Variants in HIRA observed in about 807,000 individuals in gnomAD.
HIRA encodes the protein histone cell cycle regulator, also known as protein HIRA.
In HIRA, 13 loss-of-function variants were observed where a neutral mutation model predicts 126.6. The observed-to-expected ratio is 0.10, with a 90% CI of 0.07 to 0.16. The LOEUF is 0.16. Ranked by LOEUF, HIRA falls within the 10% of genes least tolerant of loss-of-function variation. The probability of loss-of-function intolerance (pLI) is 1.00; values close to 1 mark genes in which losing one functional copy is unlikely to be tolerated. For synonymous variants in HIRA, 511 were observed against 520.0 expected, an observed-to-expected ratio of 0.98 and a Z score of 0.24; for missense variants, 834 against 1,314.4, an observed-to-expected ratio of 0.63 and a Z score of 5.65.
intron 24 of HIRA, among the ~76,000 whole-genome samples, chr22:19,346,498 G>C (rs1217539111): frequency 6.6e-6 from 1 of 152,238 alleles, no homozygotes; most frequent in Admixed American, 6.5e-5. Flanking sequence ...TTGAGATCAG[G>C]AGAGGACCTG....
chr22:19,387,897 GGTGGGCA>G (rs2089141111), intron 10 of HIRA, 81 bp from the exon 11 acceptor site: 1 of 886,036 alleles, frequency 1.1e-6, no homozygotes, highest in African/African-American at 1.6e-5. Context: ...CTGTGAGGAT[GGTGGGCA>G]GTGTTCTAGG....
chr22:19,399,287 C>G (rs2089247916), intron 5 of HIRA: 1 of 252,114 alleles, frequency 4.0e-6, no homozygotes, highest in African/African-American at 2.3e-5. Flanking sequence ...GAGGTTTAAG[C>G]AAAATATTCC....
intron 9 of HIRA, among the ~76,000 whole-genome samples, chr22:19,390,715 G>A (rs964459736): frequency 1.3e-5 from 2 of 151,430 alleles, no homozygotes; most frequent in Admixed American, 1.3e-4. Context: ...ATCACCCAGG[G>A]GTGAAATGGA....
At position 19,388,486 on chromosome 22, in the gene HIRA, G is replaced by C. The variant is rs939764729; in HGVS notation, c.1005C>G (p.Ser335=). ...CCTGTAAGTAGAATCCACCTTACCA[G>C]GAAATATCCATGATGGATTTGTCAA... ...ELFDKSIMDI[S]WTLNGLGILV... is the part of the protein sequence containing the mutation. Residue 335 remains serine, a splice_region_variant and synonymous_variant, in exon 10 of 25, where the codon TCC becomes TCG. Coordinates refer to ENST00000263208, the MANE Select transcript of HIRA (RefSeq NM_003325.4). The C allele has an allele frequency of 6.2e-7, 1 of 1,610,074 alleles. No individual in the cohort carries two copies. Among genetic ancestry groups the C allele is most frequent in the Non-Finnish European group, 8.5e-7 (1 of 1,176,412 alleles).
chr22:19,365,979 T>C (rs1000713696), intron 15 of HIRA: 3 of 152,356 alleles, frequency 2.0e-5, no homozygotes, highest in Non-Finnish European at 4.4e-5. Context: ...TGTTGATAAG[T>C]AGTGGTACTG....
chr22:19,384,492 G>T (rs1221060128), intron 12 of HIRA, among the ~76,000 whole-genome samples: 1 of 151,900 alleles, frequency 6.6e-6, no homozygotes, highest in African/African-American at 2.4e-5. Flanking sequence ...ATTCTAAATT[G>T]CCCTCCTGGT....
chr22:19,422,991 C>T (rs1224132879), intron 1 of HIRA, among the ~76,000 whole-genome samples: 1 of 152,198 alleles, frequency 6.6e-6, no homozygotes, highest in African/African-American at 2.4e-5. Context: ...CCCAGCAGGG[C>T]TGGCTGCGGC....
At chr22:19,365,492 T>C (rs2088904171) in intron 15 of HIRA, among the ~76,000 whole-genome samples, 1 of 152,236 alleles carries the variant, frequency 6.6e-6, no homozygotes, top group Non-Finnish European at 1.5e-5. Context: ...AGAATTATTC[T>C]AAATCTATAA....
chr22:19,361,847 C>A lies in HIRA; in HGVS notation c.1860G>T (p.Leu620Phe). The A allele has an allele frequency of 6.2e-7, 1 of 1,614,138 alleles. No individual in the cohort carries two copies. Among genetic ancestry groups the A allele is most frequent in the Non-Finnish European group, 8.5e-7 (1 of 1,180,008 alleles). Residue 620 changes from leucine (L) to phenylalanine (F), a missense_variant, in exon 16 of 25, where the codon TTG becomes TTT. Physicochemically the swap from Leu to Phe is conservative, Grantham distance 22. This residue lies in a region of HIRA where 468 missense variants were observed against 574.2 expected (regional missense o/e 0.82). Coordinates refer to ENST00000263208, the MANE Select transcript of HIRA (RefSeq NM_003325.4). ...GCTTGGACAGTGAGGAAGCCTTAGCCAAAGGGACTTTCTCATCGCTGTCAC... is the reference window on the plus strand; with the variant it reads ...GCTTGGACAGTGAGGAAGCCTTAGCAAAAGGGACTTTCTCATCGCTGTCAC... The part of the protein sequence containing the change: ...SSSDSDEKVP[L>F]AKASSLSKRK...
chr22:19,346,273 T>C (rs1322784986), intron 24 of HIRA, among the ~76,000 whole-genome samples: 1 of 152,188 alleles, frequency 6.6e-6, no homozygotes, highest in East Asian at 1.9e-4. Flanking sequence ...TCCCAGCACT[T>C]TGGGAGGCTG....
In HIRA at chr22:19,431,596, C is replaced by G. The variant is rs990556151; in HGVS notation, c.-120G>C. 2.2e-6 allele frequency: 2 copies of G among 922,112 alleles called. No individual in the cohort carries two copies. Among genetic ancestry groups the G allele is most frequent in the East Asian group, 1.2e-4 (1 of 8,652 alleles). The allele number at this position is 922,112 out of a possible 1,614,324, so 57.1% of individuals were successfully genotyped here. A position where few individuals can be genotyped will look rare whatever the true frequency, so the allele number is the denominator to read the frequency against. On this transcript the variant is annotated 5_prime_UTR_variant, in exon 1 of 25. Coordinates refer to ENST00000263208, the MANE Select transcript of HIRA (RefSeq NM_003325.4). ...CCCGCCCTCCGGCCGCCGCCCGCCCCGCGCCCTCAGGGCCGCCGCGCCATC... is the reference window on the plus strand; with the variant it reads ...CCCGCCCTCCGGCCGCCGCCCGCCCGGCGCCCTCAGGGCCGCCGCGCCATC...
At chr22:19,384,799 A>G (rs2089110223) in intron 12 of HIRA, among the ~76,000 whole-genome samples, 1 of 151,190 alleles carries the variant, frequency 6.6e-6, no homozygotes, top group Non-Finnish European at 1.5e-5. Flanking sequence ...GATTATAGGC[A>G]TGCACCACCA....
chr22:19,390,479 T>G (rs1301501983), intron 9 of HIRA, among the ~76,000 whole-genome samples: 1 of 151,074 alleles, frequency 6.6e-6, no homozygotes, highest in Non-Finnish European at 1.5e-5. Context: ...ATCCCAGCTA[T>G]TCAGGAGGCT....
chr22:19,354,958 A>C (rs1313316622), intron 21 of HIRA, among the ~76,000 whole-genome samples: 1 of 151,814 alleles, frequency 6.6e-6, no homozygotes, highest in African/African-American at 2.4e-5. Flanking sequence ...TTTTTGGTAG[A>C]GACAGGGTCT....
chr22:19,385,374 C>T (rs1035312351), intron 12 of HIRA, 147 bp downstream of exon 12: 3 of 699,440 alleles, frequency 4.3e-6, no homozygotes, highest in Non-Finnish European at 7.1e-6. Context: ...CAGCAGTGGG[C>T]AAGGGGCCAA....
At chr22:19,395,079 A>G (rs553424736) in intron 7 of HIRA, among the ~76,000 whole-genome samples, 2 of 152,300 alleles carry the variant, frequency 1.3e-5, no homozygotes, top group Non-Finnish European at 2.9e-5. Flanking sequence ...TATAAACTAT[A>G]AAAGGAACAG....
At chr22:19,420,462 CAAAAAA>C (rs760003741) in intron 1 of HIRA, among the ~76,000 whole-genome samples, 3 of 63,594 alleles carry the variant, frequency 4.7e-5, no homozygotes, top group South Asian at 5.6e-4. Context: ...AAAACTGTCT[CAAAAAA>C]AAAAAAAAAA....
intron 15 of HIRA, among the ~76,000 whole-genome samples, chr22:19,367,832 T>C (rs776163019): frequency 7.9e-5 from 12 of 152,232 alleles, no homozygotes; most frequent in Non-Finnish European, 1.8e-4. Flanking sequence ...ATATTTTTGA[T>C]CCATAGTTGG....
chr22:19,382,844 T>C (rs538208835), intron 13 of HIRA, among the ~76,000 whole-genome samples: 17 of 151,592 alleles, frequency 1.1e-4, no homozygotes, highest in Admixed American at 8.6e-4. Context: ...ATCTTCACTA[T>C]ATACACTGGG....
Sources: gnomAD v4.1 joint callset for allele counts (sites outside exome capture counted in the v4.1 genomes callset) on GRCh38, gnomAD v4.1.1 for gene constraint, gnomAD v4.1.1 regional missense constraint, MANE v1.5 for transcripts, NCBI Gene and HGNC (gene_info 2026-07-23, HGNC 2026-07-21) for gene names.